The following DPP6 variants were observed in gnomAD, a reference collection of about 807,000 sequenced individuals.
DPP6 encodes the protein dipeptidyl peptidase like 6.
A neutral mutation model predicts 122.6 loss-of-function variants in DPP6; 69 were observed. The ratio of observed to expected loss-of-function variants is 0.56; its 90% CI spans 0.46 to 0.69. The LOEUF (loss-of-function observed/expected upper bound fraction) is 0.69, where lower values mean the gene tolerates loss of function less well. Ranked by LOEUF, DPP6 falls within the 30% of genes least tolerant of loss-of-function variation. The probability of loss-of-function intolerance (pLI) is 0.00; values close to 1 mark genes in which losing one functional copy is unlikely to be tolerated. For missense variants in DPP6, 928 were observed against 1,116.9 expected (o/e 0.83, Z 2.41); for synonymous variants, 418 against 433.1 (o/e 0.97, Z 0.43).
At chr7:153,928,292 A>G (rs1425772124) in intron 1 of DPP6, among the ~76,000 whole-genome samples, 2 of 150,018 alleles carry the variant, frequency 1.3e-5, no homozygotes, top group South Asian at 4.3e-4. Flanking sequence ...GCTCACTGCA[A>G]CCTCCGTCTC....
chr7:154,800,808 C>G (rs1275126218), intron 12 of DPP6, among the ~76,000 whole-genome samples: 1 of 152,148 alleles, frequency 6.6e-6, no homozygotes, highest in Non-Finnish European at 1.5e-5. Context: ...TTCTTGCCTT[C>G]TTGATGGGCT....
At chr7:154,236,374 C>G (rs1801213712) in intron 1 of DPP6, among the ~76,000 whole-genome samples, 1 of 152,172 alleles carries the variant, frequency 6.6e-6, no homozygotes, top group African/African-American at 2.4e-5. Context: ...CTTAATGTTA[C>G]TTAACACTTC....
At chr7:154,474,886 C>CA in intron 2 of DPP6, 53 bp from the exon 3 acceptor site, 1 of 1,390,986 alleles carries the variant, frequency 7.2e-7, no homozygotes, top group Non-Finnish European at 1.0e-6. Context: ...ATGGTCCTCT[C>CA]ATTTTACTAA....
At chr7:154,335,453 C>T (rs909236745) in intron 1 of DPP6, among the ~76,000 whole-genome samples, 1 of 152,194 alleles carries the variant, frequency 6.6e-6, no homozygotes, top group Non-Finnish European at 1.5e-5. Flanking sequence ...ATTTGTCAGG[C>T]ACAGTACACA....
At chr7:153,950,986 A>T (rs1802184818) in intron 1 of DPP6, among the ~76,000 whole-genome samples, 2 of 152,204 alleles carry the variant, frequency 1.3e-5, no homozygotes, top group Admixed American at 1.3e-4. Context: ...CTAGGTGAGC[A>T]GATAGTCTTC....
intron 1 of DPP6, among the ~76,000 whole-genome samples, chr7:154,072,699 T>A (rs1439267622): frequency 6.6e-6 from 1 of 152,244 alleles, no homozygotes; most frequent in Non-Finnish European, 1.5e-5. Flanking sequence ...CTGTGCTGAG[T>A]CAGATGGAAA....
chr7:153,980,288 C>T (rs1167755572), intron 1 of DPP6, among the ~76,000 whole-genome samples: 1 of 152,046 alleles, frequency 6.6e-6, no homozygotes, highest in Non-Finnish European at 1.5e-5. Flanking sequence ...GTGTATGTGT[C>T]CAGGAATTTA....
intron 1 of DPP6, among the ~76,000 whole-genome samples, chr7:153,923,803 G>A (rs929771203): frequency 8.0e-5 from 12 of 149,754 alleles, no homozygotes; most frequent in Admixed American, 6.6e-4. Flanking sequence ...TCATCTTAGC[G>A]GGGAGGATCT....
At chr7:154,890,602 C>A (rs1806518173) in intron 25 of DPP6, 1 of 152,168 alleles carries the variant, frequency 6.6e-6, no homozygotes, top group Non-Finnish European at 1.5e-5. Flanking sequence ...GCGAGCTGAA[C>A]CCCCCAGGTA....
intron 1 of DPP6, among the ~76,000 whole-genome samples, chr7:154,251,321 A>G (rs1016702390): frequency 3.2e-4 from 48 of 152,306 alleles, no homozygotes; most frequent in African/African-American, 1.1e-3. Flanking sequence ...TCTGAGAATG[A>G]TGGAAAAACA....
In DPP6 at chr7:154,000,336, C is replaced by T. The variant is rs1424651599; in HGVS notation, c.51+112602C>T. 2.6e-5 allele frequency among the ~76,000 whole-genome samples: 4 copies of T among 152,172 alleles called. No individual in the cohort carries two copies. In the East Asian group the frequency reaches 7.7e-4, roughly 29 times the overall value. On this transcript the variant is annotated intron_variant, in intron 1 of 25. Coordinates refer to the DPP6 transcript ENST00000404039. Reference sequence around the variant, plus strand: ...GTTGTGTGTCCTTGCTAGCTCATTGCGGATTGGGGGCCAGCTGCACTGAGG... The same window carrying T: ...GTTGTGTGTCCTTGCTAGCTCATTGTGGATTGGGGGCCAGCTGCACTGAGG...
intron 1 of DPP6, among the ~76,000 whole-genome samples, chr7:153,899,583 C>CT (rs534323675): frequency 8.2e-4 from 125 of 152,294 alleles, no homozygotes; most frequent in African/African-American, 2.8e-3. Context: ...TAGTCTTGGA[C>CT]TTTGAATATC....
intron 7 of DPP6, among the ~76,000 whole-genome samples, chr7:154,714,387 T>A (rs1841362076): frequency 6.6e-6 from 1 of 152,186 alleles, no homozygotes. Flanking sequence ...ATTAGTCTGT[T>A]CTCACACTGC....
chr7:154,060,689 C>T (rs1350050674), intron 1 of DPP6, among the ~76,000 whole-genome samples: 1 of 148,398 alleles, frequency 6.7e-6, no homozygotes, highest in Non-Finnish European at 1.5e-5. Context: ...CCCTCTTCCG[C>T]CCCTGGCTGT....
intron 3 of DPP6, among the ~76,000 whole-genome samples, chr7:154,528,041 A>AT (rs1827549576): frequency 6.6e-6 from 1 of 152,242 alleles, no homozygotes; most frequent in Non-Finnish European, 1.5e-5. Flanking sequence ...TACCAATGCA[A>AT]TTTTTTTCCA....
At chr7:154,091,027 A>G (rs1234405498) in intron 1 of DPP6, among the ~76,000 whole-genome samples, 1 of 151,596 alleles carries the variant, frequency 6.6e-6, no homozygotes, top group Non-Finnish European at 1.5e-5. Context: ...AGGCTGAGGC[A>G]GGAGAATGGT....
At chr7:153,806,043 T>G in the DPP6 span, among the ~76,000 whole-genome samples, 1 of 151,914 alleles carries the variant, frequency 6.6e-6, no homozygotes, top group African/African-American at 2.4e-5. Flanking sequence ...CCTCCCTCGT[T>G]TCATCTGGCT....
chr7:154,522,027 C>T (rs558604060), intron 3 of DPP6, among the ~76,000 whole-genome samples: 2 of 151,970 alleles, frequency 1.3e-5, no homozygotes, highest in African/African-American at 2.4e-5. Flanking sequence ...TGCAGTGGCG[C>T]GATCTCGGCT....
intron 1 of DPP6, among the ~76,000 whole-genome samples, chr7:154,249,393 A>G (rs565297508): frequency 6.6e-6 from 1 of 152,238 alleles, no homozygotes; most frequent in Non-Finnish European, 1.5e-5. Flanking sequence ...CGGAGAAACT[A>G]TTAGCCTGGG....
Sources: allele counts gnomAD v4.1 joint callset (sites outside exome capture counted in the v4.1 genomes callset), GRCh38; gene constraint gnomAD v4.1.1; transcripts MANE v1.5; gene names NCBI Gene and HGNC (gene_info 2026-07-23, HGNC 2026-07-21).